SLC29A4: variants seen among roughly 807,000 people sequenced by gnomAD.
SLC29A4 encodes equilibrative nucleoside transporter 4.
SLC29A4 carries 36 observed loss-of-function variants against 43.9 expected under a neutral mutation model. The observed-to-expected ratio is 0.82, with a 90% CI of 0.63 to 1.08. The LOEUF is 1.08. Ranked by LOEUF, SLC29A4 falls within the 50% of genes least tolerant of loss-of-function variation. SLC29A4 has a pLI of 0.00. For missense variants in SLC29A4, 869 were observed against 755.3 expected (o/e 1.15, Z -1.77); for synonymous variants, 491 against 338.0 (o/e 1.45, Z -4.97).
rs751072644 is a variant in SLC29A4 at position 5,299,371 on chromosome 7, G to A, written c.1153G>A (p.Glu385Lys). ...TGAGATCCGCCACTGCATCCTGGGCGAGTGGCTGCCCATCCTCATCATGGC... is the reference window on the plus strand; with the variant it reads ...TGAGATCCGCCACTGCATCCTGGGCAAGTGGCTGCCCATCCTCATCATGGC... ...ESEIRHCILG[E>K]WLPILIMAVF... The change falls in exon 9 of 11, where the codon GAG becomes AAG. Residue 385 changes from glutamate to lysine, a missense_variant. Physicochemically the swap from Glu to Lys is moderately conservative, Grantham distance 56. Coordinates refer to ENST00000396872, the MANE Select transcript of SLC29A4 (RefSeq NM_153247.4). 1.2e-5 allele frequency: 19 copies of A among 1,612,256 alleles called. No homozygotes were observed. In the Admixed American group the frequency reaches 1.3e-4, roughly 11 times the overall value.
At position 5,300,595 on chromosome 7, in the gene SLC29A4, C is replaced by A. The variant is rs149054702; in HGVS notation, c.1383C>A (p.Gly461=). The change falls in exon 10 of 11, where the codon GGC becomes GGA. Residue 461 remains glycine (G), a synonymous_variant. Coordinates refer to ENST00000396872, the MANE Select transcript of SLC29A4 (RefSeq NM_153247.4). ...CACTGCTCATGGGCATCAGCAACGG[C>A]TACTTCGGCAGCGTGCCCATGATCC... ...IFSLLMGISN[G]YFGSVPMILA... is the part of the protein sequence containing the mutation. The A allele has an allele frequency of 7.5e-4, 1,215 of 1,611,518 alleles. 6 individuals are homozygous for A. In the African/African-American group the frequency reaches 0.015, roughly 19 times the overall value.
chr7:5,294,092 C>T (rs1024372095), intron 5 of SLC29A4, among the ~76,000 whole-genome samples: 5 of 149,312 alleles, frequency 3.3e-5, no homozygotes, highest in Non-Finnish European at 5.9e-5. Flanking sequence ...GACGACAGTG[C>T]GAGGCTCTAT....
chr7:5,283,665 G>T (rs917957194), intron 1 of SLC29A4, among the ~76,000 whole-genome samples: 2 of 152,224 alleles, frequency 1.3e-5, no homozygotes, highest in African/African-American at 4.8e-5. Context: ...GAAAGGGGGT[G>T]GCCGGAGGGG....
intron 2 of SLC29A4, among the ~76,000 whole-genome samples, chr7:5,288,725 T>C (rs1203259578): frequency 2.6e-5 from 4 of 152,162 alleles, no homozygotes; most frequent in Non-Finnish European, 5.9e-5. Flanking sequence ...TTCAAAGACC[T>C]GGGTTTTCAG....
At chr7:5,289,379 G>A (rs77938943) in intron 2 of SLC29A4, among the ~76,000 whole-genome samples, 9,058 of 152,016 alleles carry the variant, frequency 0.06, 949 homozygotes, top group African/African-American at 0.21. Flanking sequence ...CCTGAGCAAC[G>A]GCGAGACTCT....
Position 5,297,139 on chromosome 7 carries a change from C to T in SLC29A4, c.823C>T (p.Leu275=), listed in dbSNP as rs1363387811. ...TGACAGCCACCGGGGCAGGCCAGGC[C>T]TGGGCAGGGGCTATGGCTACCGCGT... is the stretch of plus-strand genomic sequence containing the variant. The part of the protein sequence containing the change: ...PRDSHRGRPG[L]GRGYGYRVHH... Residue 275 remains leucine (L), a synonymous_variant, in exon 7 of 11, where the codon CTG becomes TTG. Transcript: ENST00000396872. The T allele has an allele frequency of 1.9e-6, 3 of 1,605,000 alleles. No individual in the cohort carries two copies. The highest frequency in any genetic ancestry group is 1.7e-5 in the Admixed American group (1 of 59,836).
chr7:5,286,095 G>A (rs1230303627), intron 1 of SLC29A4, among the ~76,000 whole-genome samples: 2 of 152,114 alleles, frequency 1.3e-5, no homozygotes, highest in African/African-American at 4.8e-5. Flanking sequence ...CCTTTACCAC[G>A]GCTCTCCTTC....
intron 6 of SLC29A4, among the ~76,000 whole-genome samples, 177 bp from the exon 7 acceptor site, chr7:5,296,759 G>A (rs1431871336): frequency 2.1e-4 from 27 of 129,800 alleles, no homozygotes; most frequent in African/African-American, 7.9e-4. Context: ...GATGGGCGGG[G>A]CCTGTGGGTG....
chr7:5,299,107 C>T lies in SLC29A4; in HGVS notation c.1002C>T (p.Arg334=), dbSNP rs563156957. 270 of 1,610,402 alleles carry T rather than the reference C, an allele frequency of 1.7e-4. No homozygotes were observed. The highest frequency in any genetic ancestry group is 9.0e-4 in the Admixed American group (54 of 59,868). ...RFDVPRPRVQ[R]SWPTFRALLL... ...ATGTGCCGCGGCCAAGGGTCCAGCGCAGCTGGCCCACCTTCAGAGGTGAGT... is the reference window on the plus strand; with the variant it reads ...ATGTGCCGCGGCCAAGGGTCCAGCGTAGCTGGCCCACCTTCAGAGGTGAGT... The change falls in exon 8 of 11, where the codon CGC becomes CGT. Residue 334 remains arginine (R), a synonymous_variant. Transcript: ENST00000396872.
At chr7:5,300,820 C>A (rs1430093424) in intron 10 of SLC29A4, among the ~76,000 whole-genome samples, 158 bp downstream of exon 10, 6 of 152,238 alleles carry the variant, frequency 3.9e-5, no homozygotes, top group African/African-American at 1.4e-4. Context: ...ACATTCTCAG[C>A]CACTTCATTC....
In SLC29A4 at chr7:5,305,820, G is replaced by C. The variant is rs1183266172; in HGVS notation, c.*2881G>C. The C allele has an allele frequency of 6.6e-6, 1 of 151,884 alleles. No individual in the cohort carries two copies. The highest frequency in any genetic ancestry group is 1.5e-5 in the Non-Finnish European group (1 of 68,002). 9.4% of individuals were successfully genotyped at this position (151,884 alleles called of 1,614,324 possible). A position where few individuals can be genotyped will look rare whatever the true frequency, so the allele number is the denominator to read the frequency against. ...GATCCACCTGCCTCAGCCTCCCAAA[G>C]TGCTGGGATTACAGGCATGAGCCAC... On this transcript the variant is annotated 3_prime_UTR_variant, in exon 11 of 11. Transcript: ENST00000396872.
intron 5 of SLC29A4, among the ~76,000 whole-genome samples, chr7:5,293,617 T>C (rs1295021270): frequency 6.6e-6 from 1 of 152,114 alleles, no homozygotes; most frequent in African/African-American, 2.4e-5. Context: ...CTGTTCTGTT[T>C]TGTTAAAAAA....
intron 9 of SLC29A4, 30 bp from the exon 10 acceptor site, chr7:5,300,392 C>T (rs369641691): frequency 3.0e-5 from 48 of 1,609,732 alleles, no homozygotes; most frequent in Middle Eastern, 4.5e-4. Flanking sequence ...GTGGCCGGGA[C>T]AGGGCGCCCA....
At chr7:5,295,701 C>T (rs1213091375) in intron 6 of SLC29A4, among the ~76,000 whole-genome samples, 1 of 126,642 alleles carries the variant, frequency 7.9e-6, no homozygotes, top group Non-Finnish European at 1.8e-5. Flanking sequence ...GCTCGTTTCT[C>T]CCCTTGGGGG....
At position 5,298,971 on chromosome 7, in the gene SLC29A4, C is replaced by T. The variant is rs191862770; in HGVS notation, c.883-17C>T. 1,156 of 1,604,638 alleles carry T rather than the reference C, an allele frequency of 7.2e-4. 9 individuals are homozygous for T. The African/African-American group carries it at 0.014, about 19-fold the overall frequency. On this transcript the variant is annotated splice_polypyrimidine_tract_variant and intron_variant, in intron 7 of 10. Coordinates refer to ENST00000396872, the MANE Select transcript of SLC29A4 (RefSeq NM_153247.4). ...TCCCTTCCACTCCAACCCCATCCCA[C>T]TCCATCCTCCCTCCAGGAGCACCCA...
chr7:5,300,449 C>T lies in SLC29A4; in HGVS notation c.1237C>T (p.Arg413Trp), dbSNP rs531124429. The change falls in exon 10 of 11, where the codon CGG (arginine) becomes TGG (tryptophan). Residue 413 changes from arginine (R) to tryptophan (W), a missense_variant. Transcript: ENST00000396872. ...CCTGGCAGCCCTGCCCGTGGACTGG[C>T]GGGGCACCCACCTGCTGGCCTGCTC... ...KILAALPVDWRGTHLLACSCL... is the reference protein window; with the variant it reads ...KILAALPVDWWGTHLLACSCL... 19 of 1,611,264 alleles carry T rather than the reference C, an allele frequency of 1.2e-5. No individual in the cohort carries two copies. Among genetic ancestry groups the T allele is most frequent in the East Asian group, 6.7e-5 (3 of 44,872 alleles).
chr7:5,295,684 G>T (rs193128927), intron 6 of SLC29A4, among the ~76,000 whole-genome samples: 1 of 141,260 alleles, frequency 7.1e-6, no homozygotes, highest in East Asian at 2.0e-4. Flanking sequence ...AGACCCACTT[G>T]GCCCTGGCTC....
At chr7:5,300,059 C>G (rs1786028482) in intron 9 of SLC29A4, among the ~76,000 whole-genome samples, 1 of 151,990 alleles carries the variant, frequency 6.6e-6, no homozygotes, top group Non-Finnish European at 1.5e-5. Context: ...CTCAAAAAAA[C>G]AAGCAAACGA....
chr7:5,283,532 C>T (rs1448070170), intron 1 of SLC29A4, among the ~76,000 whole-genome samples: 1 of 152,178 alleles, frequency 6.6e-6, no homozygotes, highest in East Asian at 1.9e-4. Context: ...GTCCGCGAGC[C>T]AACTTTGCGG....
Sources: gnomAD v4.1 joint callset for allele counts (sites outside exome capture counted in the v4.1 genomes callset) on GRCh38, gnomAD v4.1.1 for gene constraint, MANE v1.5 for transcripts, NCBI Gene and HGNC (gene_info 2026-07-23, HGNC 2026-07-21) for gene names.